The following DUSP18 variants were observed in gnomAD, a reference collection of about 807,000 sequenced individuals.
DUSP18 encodes dual specificity protein phosphatase 18.
Under a neutral mutation model 6.3 loss-of-function variants are expected in DUSP18, and 4 were observed. The observed-to-expected ratio is 0.63, with a 90% CI of 0.31 to 1.45. DUSP18 has a LOEUF of 1.45. Ranked by LOEUF, DUSP18 falls within the 40% of genes most tolerant of loss-of-function variation. The pLI is 0.07. For missense variants in DUSP18, 235 were observed against 247.7 expected, an observed-to-expected ratio of 0.95 and a Z score of 0.34; for synonymous variants, 96 against 95.1, an observed-to-expected ratio of 1.01 and a Z score of -0.05.
chr22:30,652,332 G>C (rs1041540602), intron 2 of DUSP18: 6 of 152,204 alleles, frequency 3.9e-5, no homozygotes, highest in African/African-American at 1.4e-4. Context: ...CTTAGGAGCA[G>C]TTTAGGGAAG....
rs1162933267 is a variant in DUSP18 at position 30,662,273 on chromosome 22, G to C, written c.*1164C>G. 1.3e-5 allele frequency: 2 copies of C among 152,208 alleles called. No individual in the cohort carries two copies. The highest frequency in any genetic ancestry group is 4.8e-5 in the African/African-American group (2 of 41,456). 9.4% of individuals were successfully genotyped at this position (152,208 alleles called of 1,614,324 possible). On this transcript the variant is annotated 3_prime_UTR_variant, in exon 2 of 2. Transcript: ENST00000334679. ...TTCACAATAACTCTGTGAGAAAAGG[G>C]CTGTCATTGGACAGATGAGGACACT...
At chr22:30,665,768 C>T (rs2088627939) in intron 1 of DUSP18, among the ~76,000 whole-genome samples, 1 of 152,198 alleles carries the variant, frequency 6.6e-6, no homozygotes, top group Admixed American at 6.5e-5. Flanking sequence ...TGTCTTCACT[C>T]CCACTCTATC....
chr22:30,654,505 G>T (rs1178282900), intron 2 of DUSP18: 1 of 432,846 alleles, frequency 2.3e-6, no homozygotes, highest in Non-Finnish European at 4.6e-6. Flanking sequence ...TAAACACCTT[G>T]AGGCGGTCTT....
At position 30,662,132 on chromosome 22, in the gene DUSP18, T is replaced by A. The variant is rs181287363; in HGVS notation, c.*1305A>T. The A allele has an allele frequency of 6.6e-6, 1 of 151,606 alleles. No homozygotes were observed. Among genetic ancestry groups the A allele is most frequent in the South Asian group, 2.1e-4 (1 of 4,818 alleles). 9.4% of individuals were successfully genotyped at this position (151,606 alleles called of 1,614,324 possible). A position where few individuals can be genotyped will look rare whatever the true frequency, so the allele number is the denominator to read the frequency against. ...GAAAGGAGAAATGCCATTATGGGGA[T>A]GTGTGTGCCGACCTGGGACCAGCAG... is the stretch of plus-strand genomic sequence containing the variant. On this transcript the variant is annotated 3_prime_UTR_variant, in exon 2 of 2. Transcript: ENST00000334679.
At chr22:30,659,102 C>T (rs189774262), downstream of DUSP18, among the ~76,000 whole-genome samples, 272 of 128,978 alleles carry the variant, frequency 2.1e-3, 1 homozygote, top group Non-Finnish European at 2.3e-3. Context: ...CCAGCCTAGG[C>T]GACACAGCGA....
At position 30,667,551 on chromosome 22, in the gene DUSP18, A is replaced by T. The variant is rs957597918; in HGVS notation, c.-167T>A. On this transcript the variant is annotated 5_prime_UTR_variant, in exon 1 of 2. It removes an upstream start codon present in the reference 5' UTR. Transcript: ENST00000334679. ...AGGTTCTTCGGGAGAGAGACCCGTC[A>T]TGATCCCGCAGCCTCAATCCCCGCT... 1 of 152,318 alleles carries T rather than the reference A, an allele frequency of 6.6e-6. No homozygotes were observed. Among genetic ancestry groups the T allele is most frequent in the African/African-American group, 2.4e-5 (1 of 41,458 alleles). 9.4% of individuals were successfully genotyped at this position (152,318 alleles called of 1,614,324 possible).
rs2088523181 is a variant in DUSP18 at position 30,663,116 on chromosome 22, G to C, written c.*321C>G. On this transcript the variant is annotated 3_prime_UTR_variant, in exon 2 of 2. Coordinates refer to ENST00000334679, the MANE Select transcript of DUSP18 (RefSeq NM_152511.5). ...TTCATTCCTGGGTCAATCTGTTTTT[G>C]GGGAGGGCTGCAGGATTCCAGGCCT... The C allele has an allele frequency of 3.7e-6, 1 of 269,620 alleles. No individual in the cohort carries two copies. The highest frequency in any genetic ancestry group is 7.0e-6 in the Non-Finnish European group (1 of 142,170). 16.7% of individuals were successfully genotyped at this position (269,620 alleles called of 1,614,324 possible). A position where few individuals can be genotyped will look rare whatever the true frequency, so the allele number is the denominator to read the frequency against.
chr22:30,657,272 TA>T (rs758981579), downstream of DUSP18, among the ~76,000 whole-genome samples: 2 of 63,378 alleles, frequency 3.2e-5, no homozygotes, highest in African/African-American at 1.4e-4. Flanking sequence ...CTGTCTCTAC[TA>T]AAAACACACA....
Position 30,662,402 on chromosome 22 carries a change from G to A in DUSP18, c.*1035C>T, listed in dbSNP as rs1357968227. On this transcript the variant is annotated 3_prime_UTR_variant, in exon 2 of 2. Transcript: ENST00000334679. ...CAAGGCCTGTGAGAGGAACCGCTGA[G>A]ACCTGATGTTAGGCCTGTTTTTCTC... 1 of 152,218 alleles carries A rather than the reference G, an allele frequency of 6.6e-6. No homozygotes were observed. Among genetic ancestry groups the A allele is most frequent in the Admixed American group, 6.5e-5 (1 of 15,276 alleles). The allele number at this position is 152,218 out of a possible 1,614,324, so 9.4% of individuals were successfully genotyped here. A position where few individuals can be genotyped will look rare whatever the true frequency, so the allele number is the denominator to read the frequency against.
Position 30,663,988 on chromosome 22 carries a change from A to G in DUSP18, c.16T>C (p.Cys6Arg), listed in dbSNP as rs2088566939. The change falls in exon 2 of 2, where the codon TGT (cysteine) becomes CGT (arginine). Residue 6 changes from cysteine to arginine, a missense_variant. Physicochemically the swap from Cys to Arg is radical, Grantham distance 180 (BLOSUM62 -3). Transcript: ENST00000334679. ...TGCCGGAACTGAACTGGGAAGGCAC[A>G]CGAGGGTGCTGTCATCAAGGCGGTG... Reference protein sequence around the residue: MTAPSCAFPVQFRQPS... With the variant: MTAPSRAFPVQFRQPS... 1 of 1,613,200 alleles carries G rather than the reference A, an allele frequency of 6.2e-7. No individual in the cohort carries two copies. The highest frequency in any genetic ancestry group is 8.5e-7 in the Non-Finnish European group (1 of 1,179,186).
At chr22:30,656,844 G>A (rs1403266594), downstream of DUSP18, among the ~76,000 whole-genome samples, 3 of 152,224 alleles carry the variant, frequency 2.0e-5, no homozygotes, top group Non-Finnish European at 2.9e-5. Context: ...GCTTGGCCCA[G>A]TGGCTCATGC....
Position 30,663,659 on chromosome 22 carries a change from G to C in DUSP18, c.345C>G (p.Cys115Trp). The stretch of plus-strand genomic sequence containing the variant: ...CGTGGTACTTCATGAGGTAGGCGAG[G>C]CACAGGGCAGCTGAGCGGCTCACAC... ...AAGVSRSAAL[C>W]LAYLMKYHAM... Residue 115 changes from cysteine to tryptophan, a missense_variant, in exon 2 of 2, where the codon TGC becomes TGG. Coordinates refer to ENST00000334679, the MANE Select transcript of DUSP18 (RefSeq NM_152511.5). The C allele has an allele frequency of 6.2e-7, 1 of 1,614,222 alleles. No homozygotes were observed. Among genetic ancestry groups the C allele is most frequent in the Non-Finnish European group, 8.5e-7 (1 of 1,180,046 alleles).
At chr22:30,664,522 G>C (rs868096223) in intron 1 of DUSP18, among the ~76,000 whole-genome samples, 1 of 152,260 alleles carries the variant, frequency 6.6e-6, no homozygotes, top group Middle Eastern at 3.4e-3. Context: ...CTCTGAGTGG[G>C]AACCATTTGT....
Position 30,663,592 on chromosome 22 carries a change from G to A in DUSP18, c.412C>T (p.Arg138Trp), listed in dbSNP as rs754173853. 47 of 1,614,202 alleles carry A rather than the reference G, an allele frequency of 2.9e-5. No individual in the cohort carries two copies. The East Asian group carries it at 7.1e-4, about 24-fold the overall frequency. Reference protein sequence around the residue: ...LDAHTWTKSCRPIIRPNSGFW... With the variant: ...LDAHTWTKSCWPIIRPNSGFW... ...CCGCTGTTGGGTCGGATGATGGGCC[G>A]GCATGACTTGGTCCACGTGTGGGCG... Residue 138 changes from arginine (R) to tryptophan (W), a missense_variant, in exon 2 of 2, where the codon CGG (arginine) becomes TGG (tryptophan). Arg to Trp is a moderately radical substitution (Grantham distance 101). Transcript: ENST00000334679.
intron 2 of DUSP18, chr22:30,654,336 C>T (rs533765392): frequency 2.6e-5 from 12 of 463,728 alleles, no homozygotes; most frequent in South Asian, 1.5e-4. Flanking sequence ...TCTCCTTCCT[C>T]TTCTCCTCCA....
downstream of DUSP18, among the ~76,000 whole-genome samples, chr22:30,656,812 A>C (rs537648902): frequency 3.3e-5 from 5 of 152,190 alleles, 1 homozygote; most frequent in African/African-American, 1.2e-4. Flanking sequence ...ATATTTAAAA[A>C]GAGAGTTAAA....
intron 1 of DUSP18, chr22:30,665,266 G>T (rs2088607336): frequency 4.7e-6 from 1 of 211,872 alleles, no homozygotes. Flanking sequence ...ATATATTTCA[G>T]TGGCTATCCA....
chr22:30,661,177 G>T (rs373586186), downstream of DUSP18, among the ~76,000 whole-genome samples: 1 of 151,532 alleles, frequency 6.6e-6, no homozygotes, highest in Admixed American at 6.6e-5. Context: ...TGAGCAATTG[G>T]AAAAAAAATC....
At chr22:30,654,668 T>TC (rs1398606529) in intron 2 of DUSP18, 1 of 433,498 alleles carries the variant, frequency 2.3e-6, no homozygotes, top group Non-Finnish European at 4.5e-6. Context: ...GCCAGGTACT[T>TC]CAACTTCTTT....
Sources: gnomAD v4.1 joint callset for allele counts (sites outside exome capture counted in the v4.1 genomes callset) on GRCh38, gnomAD v4.1.1 for gene constraint, MANE v1.5 for transcripts, NCBI Gene and HGNC (gene_info 2026-07-23, HGNC 2026-07-21) for gene names.